Variants in AGMO observed in about 807,000 individuals in gnomAD.
AGMO encodes the protein glyceryl-ether monooxygenase.
Under a neutral mutation model 60.2 loss-of-function variants are expected in AGMO, and 75 were observed. That is an observed-to-expected ratio of 1.25 (90% CI 1.03 to 1.51). The LOEUF (loss-of-function observed/expected upper bound fraction) is 1.51, where lower values mean the gene tolerates loss of function less well. Ranked by LOEUF, AGMO falls within the 40% of genes most tolerant of loss-of-function variation. The pLI, the probability that AGMO is intolerant of heterozygous loss-of-function variation, is 0.00. For missense variants in AGMO, 763 were observed against 525.5 expected (o/e 1.45, Z -4.42); for synonymous variants, 261 against 177.1 (o/e 1.47, Z -3.76).
the AGMO span, among the ~76,000 whole-genome samples, chr7:15,195,166 C>T: frequency 4.6e-5 from 7 of 152,116 alleles, no homozygotes; most frequent in Non-Finnish European, 1.0e-4. Context: ...CCAAACCTAA[C>T]CCCCTGTATA....
At chr7:15,398,267 T>G (rs568306793) in intron 5 of AGMO, among the ~76,000 whole-genome samples, 22 of 152,056 alleles carry the variant, frequency 1.4e-4, no homozygotes, top group Non-Finnish European at 2.4e-4. Flanking sequence ...CTTGGCTGAG[T>G]GCACTATTTT....
intron 8 of AGMO, among the ~76,000 whole-genome samples, chr7:15,390,045 T>C (rs1222428530): frequency 6.6e-6 from 1 of 152,162 alleles, no homozygotes; most frequent in African/African-American, 2.4e-5. Context: ...TTCTCATTTA[T>C]GAGTGCCTAA....
chr7:15,212,289 A>ACAC (rs1563037313), intron 12 of AGMO, among the ~76,000 whole-genome samples: 5 of 121,858 alleles, frequency 4.1e-5, no homozygotes, highest in Non-Finnish European at 9.6e-5. Context: ...CACACACACA[A>ACAC]ATAGCATGGG....
chr7:15,237,355 C>T (rs892950209), intron 12 of AGMO, among the ~76,000 whole-genome samples: 1 of 152,090 alleles, frequency 6.6e-6, no homozygotes, highest in Admixed American at 6.6e-5. Flanking sequence ...GAAGCTCATG[C>T]AGGCTTTCTT....
chr7:15,470,554 T>A (rs1378369575), intron 3 of AGMO, among the ~76,000 whole-genome samples: 1 of 151,976 alleles, frequency 6.6e-6, no homozygotes, highest in African/African-American at 2.4e-5. Flanking sequence ...TTCAGCTATA[T>A]TAAATTAAAT....
chr7:15,298,560 C>G (rs1784468815), intron 12 of AGMO, among the ~76,000 whole-genome samples: 1 of 151,976 alleles, frequency 6.6e-6, no homozygotes, highest in Non-Finnish European at 1.5e-5. Context: ...TGCCAACATG[C>G]TCAGATTATT....
At chr7:15,288,116 C>A (rs1376018488) in intron 12 of AGMO, among the ~76,000 whole-genome samples, 1 of 151,940 alleles carries the variant, frequency 6.6e-6, no homozygotes, top group Non-Finnish European at 1.5e-5. Context: ...CTCCGCCTCC[C>A]GGGTTCACAC....
At chr7:15,440,792 T>C (rs995976755) in intron 3 of AGMO, among the ~76,000 whole-genome samples, 11 of 152,220 alleles carry the variant, frequency 7.2e-5, no homozygotes, top group Non-Finnish European at 1.6e-4. Context: ...AATGTGTAAT[T>C]TTTAACTTTA....
the AGMO span, among the ~76,000 whole-genome samples, chr7:15,143,590 T>C: frequency 2.0e-5 from 3 of 152,164 alleles, no homozygotes; most frequent in Non-Finnish European, 2.9e-5. Context: ...TTTGGTACTA[T>C]GGGTATATTC....
At position 15,387,400 on chromosome 7, in the gene AGMO, A is replaced by G; in HGVS notation, c.957+6T>C. On this transcript the variant is annotated splice_donor_region_variant and intron_variant, in intron 9 of 12. Coordinates refer to ENST00000342526, the MANE Select transcript of AGMO (RefSeq NM_001004320.2). ...CACCATCTCCAATTCTGTGAACTCT[A>G]TTTACCTCTGGAATTTCTTCACTGA... 5 of 1,613,056 alleles carry G rather than the reference A, an allele frequency of 3.1e-6. No individual in the cohort carries two copies. The highest frequency in any genetic ancestry group is 4.2e-6 in the Non-Finnish European group (5 of 1,179,694).
chr7:15,240,574 T>C (rs1374628554), intron 12 of AGMO, among the ~76,000 whole-genome samples: 2 of 152,316 alleles, frequency 1.3e-5, no homozygotes, highest in South Asian at 2.1e-4. Flanking sequence ...TAACTTAGTC[T>C]TTCTTAAGGT....
chr7:15,402,328 TCTC>T (rs1405882347), intron 5 of AGMO, among the ~76,000 whole-genome samples: 2 of 150,722 alleles, frequency 1.3e-5, no homozygotes, highest in East Asian at 3.9e-4. Context: ...CTCTTCTTCT[TCTC>T]TTTTTGTTCA....
At chr7:15,316,931 C>T (rs1187882828) in intron 12 of AGMO, among the ~76,000 whole-genome samples, 1 of 152,134 alleles carries the variant, frequency 6.6e-6, no homozygotes, top group Non-Finnish European at 1.5e-5. Context: ...ATCAAACTGT[C>T]TTCACAGAAA....
At chr7:15,168,062 A>C in the AGMO span, among the ~76,000 whole-genome samples, 4 of 152,170 alleles carry the variant, frequency 2.6e-5, no homozygotes, top group African/African-American at 9.7e-5. Context: ...GCCTTAAATG[A>C]CCTGTTAGCC....
intron 3 of AGMO, among the ~76,000 whole-genome samples, chr7:15,540,304 C>A (rs1784591631): frequency 6.6e-6 from 1 of 152,140 alleles, no homozygotes; most frequent in Non-Finnish European, 1.5e-5. Flanking sequence ...ATATAGATCC[C>A]AGAGTGTATG....
chr7:15,261,053 A>T (rs114012766), intron 12 of AGMO, among the ~76,000 whole-genome samples: 5 of 152,098 alleles, frequency 3.3e-5, no homozygotes. Context: ...AAATACCTAC[A>T]TCAAAAAGTC....
chr7:15,286,426 A>G (rs1370310386), intron 12 of AGMO, among the ~76,000 whole-genome samples: 1 of 152,160 alleles, frequency 6.6e-6, no homozygotes, highest in Admixed American at 6.6e-5. Context: ...ATAAATAGAC[A>G]TTTCTCAAAA....
At chr7:15,491,974 G>T (rs776189666) in intron 3 of AGMO, among the ~76,000 whole-genome samples, 1 of 152,110 alleles carries the variant, frequency 6.6e-6, no homozygotes, top group South Asian at 2.1e-4. Flanking sequence ...AGAAACATTC[G>T]CAGTGCAGTT....
At chr7:15,396,737 G>A (rs750687738) in intron 5 of AGMO, 2 of 151,558 alleles carry the variant, frequency 1.3e-5, no homozygotes, top group African/African-American at 4.9e-5. Context: ...TTTACAGAGA[G>A]CTGATTGGTC....
Sources: gnomAD v4.1 joint callset for allele counts (sites outside exome capture counted in the v4.1 genomes callset) on GRCh38, gnomAD v4.1.1 for gene constraint, MANE v1.5 for transcripts, NCBI Gene and HGNC (gene_info 2026-07-23, HGNC 2026-07-21) for gene names.